The following UBE2W variants were observed in gnomAD, a reference collection of about 807,000 sequenced individuals.
The protein encoded by UBE2W is ubiquitin-conjugating enzyme E2 W.
Under a neutral mutation model 27.2 loss-of-function variants are expected in UBE2W, and 18 were observed. The ratio of observed to expected loss-of-function variants is 0.66; its 90% confidence interval spans 0.46 to 0.98. UBE2W has a LOEUF of 0.98. Among genes scored for constraint, UBE2W ranks in the 50% least tolerant of loss-of-function variants. UBE2W has a pLI of 0.00. For missense variants in UBE2W, 90 were observed against 180.2 expected, an observed-to-expected ratio of 0.50 and a Z score of 2.87; for synonymous variants, 53 against 57.2, an observed-to-expected ratio of 0.93 and a Z score of 0.33.
chr8:73,835,192 C>A (rs1314371058), intron 1 of UBE2W, among the ~76,000 whole-genome samples: 1 of 151,542 alleles, frequency 6.6e-6, no homozygotes, highest in Non-Finnish European at 1.5e-5. Context: ...ATTGGTATAT[C>A]ATCCCTGGTC....
chr8:73,866,689 A>G (rs1157031058), intron 1 of UBE2W, among the ~76,000 whole-genome samples: 11 of 152,154 alleles, frequency 7.2e-5, no homozygotes, highest in Non-Finnish European at 1.3e-4. Context: ...AAAAAAACAT[A>G]AATTTTGCCA....
chr8:73,798,741 G>A (rs1227294442), intron 5 of UBE2W, among the ~76,000 whole-genome samples: 1 of 152,070 alleles, frequency 6.6e-6, no homozygotes, highest in Non-Finnish European at 1.5e-5. Flanking sequence ...TCTTTCCCAA[G>A]AACAATTATC....
rs1807971786 is a variant in UBE2W, at chr8:73,786,730, G to A, written c.*7372C>T. The A allele has an allele frequency of 1.0e-6, 1 of 985,308 alleles. No individual in the cohort carries two copies. Among genetic ancestry groups the A allele is most frequent in the Admixed American group, 6.2e-5 (1 of 16,256 alleles). 61.0% of individuals were successfully genotyped at this position (985,308 alleles called of 1,614,324 possible). On this transcript the variant is annotated 3_prime_UTR_variant, in exon 6 of 6. Coordinates refer to ENST00000602593, the MANE Select transcript of UBE2W (RefSeq NM_018299.6). ...GGACACCAAGGCCAGGTAGTGAAAGGCCCTAATGGTAAGGAGACTGGAGAG... is the reference window on the plus strand; with the variant it reads ...GGACACCAAGGCCAGGTAGTGAAAGACCCTAATGGTAAGGAGACTGGAGAG...
intron 4 of UBE2W, among the ~76,000 whole-genome samples, chr8:73,806,629 G>T (rs62508049): frequency 0.044 from 6,581 of 149,790 alleles, 177 homozygotes; most frequent in Non-Finnish European, 0.059. Flanking sequence ...GGAGAATGGC[G>T]TGAGACTGGG....
intron 3 of UBE2W, among the ~76,000 whole-genome samples, chr8:73,817,801 C>G (rs1809454709): frequency 6.6e-6 from 1 of 152,208 alleles, no homozygotes; most frequent in Non-Finnish European, 1.5e-5. Context: ...GCATGAGCCA[C>G]CACGCCCAGT....
intron 1 of UBE2W, among the ~76,000 whole-genome samples, chr8:73,873,022 C>T (rs1454525076): frequency 6.6e-6 from 1 of 151,838 alleles, no homozygotes; most frequent in Non-Finnish European, 1.5e-5. Context: ...TCTCCTGCCT[C>T]AGCCTCTCAA....
At chr8:73,818,779 G>A (rs576479815) in intron 3 of UBE2W, among the ~76,000 whole-genome samples, 5 of 152,234 alleles carry the variant, frequency 3.3e-5, no homozygotes, top group South Asian at 4.1e-4. Context: ...GTGGCACCTC[G>A]CCACTGACTC....
In UBE2W at chr8:73,790,661, C is replaced by A. The variant is rs1808152462; in HGVS notation, c.*3441G>T. Reference sequence around the variant, plus strand: ...AAAAAATTTTTGTAACACACAGTACCTCCTCTTCTCTTCTATTTTTAGGAA... The same window carrying A: ...AAAAAATTTTTGTAACACACAGTACATCCTCTTCTCTTCTATTTTTAGGAA... On this transcript the variant is annotated 3_prime_UTR_variant, in exon 6 of 6. Transcript: ENST00000602593. The A allele has an allele frequency of 1.0e-6, 1 of 982,746 alleles. No individual in the cohort carries two copies. Among genetic ancestry groups the A allele is most frequent in the African/African-American group, 1.7e-5 (1 of 57,152 alleles). The allele number at this position is 982,746 out of a possible 1,614,324, so 60.9% of individuals were successfully genotyped here. A position where few individuals can be genotyped will look rare whatever the true frequency, so the allele number is the denominator to read the frequency against.
chr8:73,856,291 T>TC (rs1432104816), intron 1 of UBE2W, among the ~76,000 whole-genome samples: 2 of 147,310 alleles, frequency 1.4e-5, no homozygotes, highest in Non-Finnish European at 3.0e-5. Context: ...TGTAAACAAC[T>TC]CCCCCCTCCC....
rs189722664 is a variant in UBE2W, at chr8:73,876,102, T to C, written c.15+2706A>G. 3.4e-3 allele frequency among the ~76,000 whole-genome samples: 511 copies of C among 152,184 alleles called. 3 individuals carry two copies. The highest frequency in any genetic ancestry group is 0.012 in the African/African-American group (485 of 41,520). On this transcript the variant is annotated intron_variant, in intron 1 of 5. Transcript: ENST00000602593. ...AATTAACTTAAATATGCTGTTCTTATCTGTCTCTTCTTATGAGACTATTTA... is the reference window on the plus strand; with the variant it reads ...AATTAACTTAAATATGCTGTTCTTACCTGTCTCTTCTTATGAGACTATTTA...
rs908377721 is a variant in UBE2W at position 73,796,557 on chromosome 8, C to G, written c.443-2442G>C. On this transcript the variant is annotated intron_variant, in intron 5 of 5. Coordinates refer to ENST00000602593, the MANE Select transcript of UBE2W (RefSeq NM_018299.6). ...AAATGATTAGGAAATCTTTGTGAAGCTACTTTCCAGATCCCAATCCCTGTT... is the reference window on the plus strand; with the variant it reads ...AAATGATTAGGAAATCTTTGTGAAGGTACTTTCCAGATCCCAATCCCTGTT... 7.7e-5 allele frequency: 59 copies of G among 762,772 alleles called. 1 individual carries two copies. In the Middle Eastern group the frequency reaches 2.0e-3, roughly 26 times the overall value. 47.3% of individuals were successfully genotyped at this position (762,772 alleles called of 1,614,324 possible).
intron 1 of UBE2W, among the ~76,000 whole-genome samples, chr8:73,849,122 C>G (rs1478710135): frequency 2.0e-5 from 3 of 152,158 alleles, no homozygotes; most frequent in Admixed American, 2.0e-4. Flanking sequence ...AACACTGTTT[C>G]TTTCTACTTT....
chr8:73,786,197 C>A (rs1349817574), downstream of UBE2W: 1 of 983,408 alleles, frequency 1.0e-6, no homozygotes, highest in African/African-American at 1.8e-5. Flanking sequence ...TGAGAAACAC[C>A]TATAAAAAAA....
chr8:73,865,180 CAAAAAAAAA>C (rs11354153), intron 1 of UBE2W, among the ~76,000 whole-genome samples: 41 of 32,856 alleles, frequency 1.2e-3, no homozygotes, highest in African/African-American at 3.0e-3. Context: ...GTGCAAACGT[CAAAAAAAAA>C]AAAAAAAAAA....
intron 1 of UBE2W, among the ~76,000 whole-genome samples, chr8:73,861,093 T>A (rs1460488034): frequency 6.6e-6 from 1 of 152,146 alleles, no homozygotes; most frequent in African/African-American, 2.4e-5. Context: ...CATTCCATCC[T>A]GGGCAACAGA....
Position 73,789,872 on chromosome 8 carries a change from A to G in UBE2W, c.*4230T>C, listed in dbSNP as rs138896690. ...AAATAAATAAATAATAAAAATAATCATTCCACATCTCAAAATGACTTAGAA... is the reference window on the plus strand; with the variant it reads ...AAATAAATAAATAATAAAAATAATCGTTCCACATCTCAAAATGACTTAGAA... On this transcript the variant is annotated 3_prime_UTR_variant, in exon 6 of 6. Transcript: ENST00000602593. 1.3e-5 allele frequency: 12 copies of G among 913,448 alleles called. No individual in the cohort carries two copies. The East Asian group carries it at 1.2e-3, about 90-fold the overall frequency. 56.6% of individuals were successfully genotyped at this position (913,448 alleles called of 1,614,324 possible).
In UBE2W at chr8:73,788,304, A is replaced by G. The variant is rs2130832098; in HGVS notation, c.*5798T>C. 1.0e-6 allele frequency: 1 copy of G among 984,546 alleles called. No homozygotes were observed. Among genetic ancestry groups the G allele is most frequent in the East Asian group, 1.1e-4 (1 of 8,814 alleles). The allele number at this position is 984,546 out of a possible 1,614,324, so 61.0% of individuals were successfully genotyped here. On this transcript the variant is annotated 3_prime_UTR_variant, in exon 6 of 6. Coordinates refer to ENST00000602593, the MANE Select transcript of UBE2W (RefSeq NM_018299.6). ...TTTACATATTTTGCAACTTGAGTTT[A>G]TAAAATATATACATCCACCCTATTC...
At chr8:73,827,145 T>C (rs757903067) in intron 2 of UBE2W, among the ~76,000 whole-genome samples, 8 of 152,198 alleles carry the variant, frequency 5.3e-5, no homozygotes, top group Non-Finnish European at 7.3e-5. Context: ...TCAATCCTTG[T>C]AATATCTGCA....
intron 1 of UBE2W, among the ~76,000 whole-genome samples, chr8:73,850,526 C>G (rs1811026779): frequency 6.6e-6 from 1 of 151,756 alleles, no homozygotes; most frequent in African/African-American, 2.4e-5. Context: ...AAATATACTG[C>G]TACAAAGATG....
Sources: allele counts gnomAD v4.1 joint callset (sites outside exome capture counted in the v4.1 genomes callset), GRCh38; gene constraint gnomAD v4.1.1; transcripts MANE v1.5; gene names NCBI Gene and HGNC (gene_info 2026-07-23, HGNC 2026-07-21).